ATXN8OS: variants seen among roughly 807,000 people sequenced by gnomAD.
ATXN8OS encodes ATXN8 opposite strand (non-protein coding).
At chr13:70,120,066 ATAATT>A (rs942795993) in intron 2 of ATXN8OS, among the ~76,000 whole-genome samples, 3 of 152,152 alleles carry the variant, frequency 2.0e-5, no homozygotes, top group Non-Finnish European at 4.4e-5. Flanking sequence ...AAAAAGGTAA[ATAATT>A]TAAGTGGAAT....
intron 4 of ATXN8OS, among the ~76,000 whole-genome samples, chr13:70,156,749 G>C (rs1034112869): frequency 1.3e-5 from 2 of 151,996 alleles, no homozygotes; most frequent in Non-Finnish European, 2.9e-5. Flanking sequence ...CATTGAAAAA[G>C]GACATACCAC....
intron 4 of ATXN8OS, among the ~76,000 whole-genome samples, chr13:70,152,523 A>C (rs747081022): frequency 5.4e-4 from 82 of 151,924 alleles, no homozygotes; most frequent in Admixed American, 7.9e-4. Flanking sequence ...GTTGTATTGA[A>C]GTTATTTGGG....
At chr13:70,153,277 T>C (rs1481985084) in intron 4 of ATXN8OS, among the ~76,000 whole-genome samples, 1 of 152,076 alleles carries the variant, frequency 6.6e-6, no homozygotes, top group Non-Finnish European at 1.5e-5. Flanking sequence ...CTTGACATCA[T>C]ATTGAAAACG....
chr13:70,130,509 G>A (rs1888516375), intron 3 of ATXN8OS, among the ~76,000 whole-genome samples: 1 of 152,150 alleles, frequency 6.6e-6, no homozygotes. Flanking sequence ...CAGGAAGAAT[G>A]CGTGATACAG....
chr13:70,153,101 G>T (rs1888893050), intron 4 of ATXN8OS, among the ~76,000 whole-genome samples: 1 of 151,744 alleles, frequency 6.6e-6, no homozygotes, highest in Non-Finnish European at 1.5e-5. Context: ...TGTAGACCGG[G>T]AGAGAAAGAA....
At chr13:70,140,459 A>G (rs184071835) in intron 3 of ATXN8OS, among the ~76,000 whole-genome samples, 502 of 149,226 alleles carry the variant, frequency 3.4e-3, no homozygotes, top group Non-Finnish European at 5.2e-3. Flanking sequence ...AATTTAGGGC[A>G]TGTGTTTTAA....
intron 3 of ATXN8OS, among the ~76,000 whole-genome samples, chr13:70,134,182 G>C (rs1888575109): frequency 6.6e-6 from 1 of 152,126 alleles, no homozygotes; most frequent in Admixed American, 6.6e-5. Context: ...GGTACCTGTA[G>C]GCCATCCGTA....
intron 2 of ATXN8OS, among the ~76,000 whole-genome samples, chr13:70,128,575 T>C (rs1436813506): frequency 1.3e-5 from 2 of 152,034 alleles, no homozygotes; most frequent in Non-Finnish European, 2.9e-5. Context: ...ATCTCAGTAG[T>C]GCATTTCAAA....
At position 70,116,969 on chromosome 13, in the gene ATXN8OS, A is replaced by C. The variant is rs138050058; in HGVS notation, n.398+1671A>C. On this transcript the variant is annotated intron_variant and non_coding_transcript_variant, in intron 2 of 4. Coordinates refer to ENST00000678624, the Ensembl canonical transcript of ATXN8OS. ...ATTTCCCTATTTTTTTCTGTTCTTC[A>C]CTGATGCAGAATGCTCACATAAACC... Among the ~76,000 whole-genome samples, 942 of 152,126 alleles carry C rather than the reference A, an allele frequency of 6.2e-3. 6 individuals are homozygous for C. The highest frequency in any genetic ancestry group is 9.4e-3 in the Admixed American group (143 of 15,264).
chr13:70,166,050 A>G (rs1240909746), intron 4 of ATXN8OS, among the ~76,000 whole-genome samples: 1 of 152,116 alleles, frequency 6.6e-6, no homozygotes, highest in Non-Finnish European at 1.5e-5. Context: ...ATAGAAAATG[A>G]GTGAGATAGA....
At position 70,139,466 on chromosome 13, in the gene ATXN8OS, A is replaced by G. The variant is rs1023774975; in HGVS notation, n.500-7889A>G. On this transcript the variant is annotated intron_variant and non_coding_transcript_variant, in intron 3 of 4. Transcript: ENST00000678624. ...ATATATTATCTTATTTTACTATTTGATGTTATAATTGTTATATATTTTTCC... is the reference window on the plus strand; with the variant it reads ...ATATATTATCTTATTTTACTATTTGGTGTTATAATTGTTATATATTTTTCC... 152 of 651,292 alleles carry G rather than the reference A, an allele frequency of 2.3e-4. 10 individuals carry two copies. The East Asian group carries it at 3.4e-3, about 15-fold the overall frequency. The allele number at this position is 651,292 out of a possible 1,614,324, so 40.3% of individuals were successfully genotyped here. A position where few individuals can be genotyped will look rare whatever the true frequency, so the allele number is the denominator to read the frequency against.
Position 70,128,006 on chromosome 13 carries a change from T to G in ATXN8OS, n.399-1778T>G, listed in dbSNP as rs147264342. Among the ~76,000 whole-genome samples, 111 of 152,070 alleles carry G rather than the reference T, an allele frequency of 7.3e-4. No individual in the cohort carries two copies. The East Asian group carries it at 0.021, about 29-fold the overall frequency. On this transcript the variant is annotated intron_variant and non_coding_transcript_variant, in intron 2 of 4. Coordinates refer to ENST00000678624, the Ensembl canonical transcript of ATXN8OS. ...TTATATAATGAACAATGTTGTTACA[T>G]ATTTATTTTACTATTTTATTAAATT...
At chr13:70,159,928 G>A (rs994464646) in intron 4 of ATXN8OS, among the ~76,000 whole-genome samples, 3 of 152,134 alleles carry the variant, frequency 2.0e-5, no homozygotes, top group East Asian at 1.9e-4. Context: ...TCCATTCATC[G>A]ATTGATGTGC....
intron 4 of ATXN8OS, among the ~76,000 whole-genome samples, chr13:70,164,334 T>C (rs1014463640): frequency 6.6e-6 from 1 of 151,642 alleles, no homozygotes; most frequent in Non-Finnish European, 1.5e-5. Flanking sequence ...ACATCTTCCT[T>C]CTCCTCCTCT....
rs551780948 is a variant in ATXN8OS, at chr13:70,143,302, G to C, written n.500-4053G>C. Reference sequence around the variant, plus strand: ...CTCTCCTTTTCCTTTCCTCTAAAATGCTTGTTGCCCTGAGGTATCACCCAG... The same window carrying C: ...CTCTCCTTTTCCTTTCCTCTAAAATCCTTGTTGCCCTGAGGTATCACCCAG... On this transcript the variant is annotated intron_variant and non_coding_transcript_variant, in intron 3 of 4. Transcript: ENST00000678624. 1.1e-4 allele frequency among the ~76,000 whole-genome samples: 17 copies of C among 151,688 alleles called. No individual in the cohort carries two copies. The South Asian group carries it at 3.5e-3, about 32-fold the overall frequency.
Position 70,131,509 on chromosome 13 carries a change from C to A in ATXN8OS, n.499+1625C>A, listed in dbSNP as rs115829165. The A allele has an allele frequency of 2.6e-3, 1,034 of 398,342 alleles. 11 individuals carry two copies. The highest frequency in any genetic ancestry group is 0.02 in the African/African-American group (956 of 48,702). 24.7% of individuals were successfully genotyped at this position (398,342 alleles called of 1,614,324 possible). A position where few individuals can be genotyped will look rare whatever the true frequency, so the allele number is the denominator to read the frequency against. On this transcript the variant is annotated intron_variant and non_coding_transcript_variant, in intron 3 of 4. Coordinates refer to ENST00000678624, the Ensembl canonical transcript of ATXN8OS. ...CATTTTACATATTTTTTTACATGCT[C>A]TCTATATTCCTGTAATTAAATATTA...
At chr13:70,131,073 T>A (rs571288782) in intron 3 of ATXN8OS, 2 of 398,552 alleles carry the variant, frequency 5.0e-6, no homozygotes, top group Admixed American at 4.4e-5. Context: ...AATTTTGTCT[T>A]ATCTCTTATC....
chr13:70,163,638 G>T (rs1288723534), intron 4 of ATXN8OS, among the ~76,000 whole-genome samples: 1 of 151,920 alleles, frequency 6.6e-6, no homozygotes, highest in African/African-American at 2.4e-5. Flanking sequence ...AAATGGAGTT[G>T]CTTAAAAAGT....
At position 70,163,787 on chromosome 13, in the gene ATXN8OS, T is replaced by C. The variant is rs1326804394; in HGVS notation, n.574-5966T>C. Among the ~76,000 whole-genome samples the C allele has an allele frequency of 4.6e-5, 7 of 151,714 alleles. No individual in the cohort carries two copies. The East Asian group carries it at 1.2e-3, about 25-fold the overall frequency. ...TAAATTTCAAAAATATTTGGCTTTC[T>C]AAATGAAATATCTTTGAATAGTTTA... is the stretch of plus-strand genomic sequence containing the variant. On this transcript the variant is annotated intron_variant and non_coding_transcript_variant, in intron 4 of 4. Transcript: ENST00000678624.
Sources: gnomAD v4.1 joint callset for allele counts (sites outside exome capture counted in the v4.1 genomes callset) on GRCh38, gnomAD v4.1.1 for gene constraint, MANE v1.5 for transcripts, NCBI Gene and HGNC (gene_info 2026-07-23, HGNC 2026-07-21) for gene names.